Variants in CFAP20DC observed in about 807,000 individuals in gnomAD.
CFAP20DC encodes the protein protein CFAP20DC.
CFAP20DC carries 84 observed loss-of-function variants against 101.7 expected under a neutral mutation model. The observed-to-expected ratio is 0.83, with a 90% CI of 0.69 to 0.99. The LOEUF is 0.99. Ranked by LOEUF, CFAP20DC falls within the 50% of genes least tolerant of loss-of-function variation. The probability of loss-of-function intolerance (pLI) is 0.00; values close to 1 mark genes in which losing one functional copy is unlikely to be tolerated. For missense variants in CFAP20DC, 1,007 were observed against 970.3 expected (o/e 1.04, Z -0.50); for synonymous variants, 359 against 351.2 (o/e 1.02, Z -0.25).
At chr3:58,870,889 C>T (rs1343658221) in intron 7 of CFAP20DC, among the ~76,000 whole-genome samples, 2 of 83,544 alleles carry the variant, frequency 2.4e-5, no homozygotes, top group East Asian at 3.0e-4. Flanking sequence ...AGCGAGACTC[C>T]GTCTCAAAAA....
At chr3:58,825,847 GC>G (rs1460974086) in intron 14 of CFAP20DC, among the ~76,000 whole-genome samples, 1 of 152,146 alleles carries the variant, frequency 6.6e-6, no homozygotes, top group Non-Finnish European at 1.5e-5. Flanking sequence ...GATTTATTTA[GC>G]AAGAGATGCC....
intron 6 of CFAP20DC, among the ~76,000 whole-genome samples, chr3:58,890,527 C>A (rs1368510244): frequency 1.2e-4 from 18 of 149,950 alleles, no homozygotes; most frequent in African/African-American, 4.2e-4. Flanking sequence ...CAGAGGCGCC[C>A]CTCACCTCCC....
intron 15 of CFAP20DC, 55 bp from the exon 16 acceptor site, chr3:58,753,918 G>C: frequency 8.1e-7 from 1 of 1,238,204 alleles, no homozygotes; most frequent in East Asian, 2.4e-5. Context: ...ATAGATTTTA[G>C]GTTTCCCATG....
At chr3:58,734,641 G>A in intron 3 of CFAP20DC, 1 of 450,764 alleles carries the variant, frequency 2.2e-6, no homozygotes, top group Non-Finnish European at 4.5e-6. Flanking sequence ...AAGCTCCCTG[G>A]GCAGGTGCCT....
intron 4 of CFAP20DC, among the ~76,000 whole-genome samples, chr3:58,999,302 TGGCCTTGAAAAATGCCGACTA>T (rs1423187340): frequency 6.6e-6 from 1 of 152,190 alleles, no homozygotes; most frequent in Non-Finnish European, 1.5e-5. Flanking sequence ...GGCAGCCAAA[TGGCCTTGAAAAATGCCGACTA>T]GAGATAGCAG....
intron 4 of CFAP20DC, among the ~76,000 whole-genome samples, chr3:58,988,189 C>A (rs1046272698): frequency 2.0e-5 from 3 of 151,934 alleles, no homozygotes; most frequent in Admixed American, 1.3e-4. Flanking sequence ...AGACTAAAAT[C>A]AAAAACATAT....
chr3:58,823,496 G>C (rs1363438737), intron 14 of CFAP20DC, among the ~76,000 whole-genome samples: 1 of 152,148 alleles, frequency 6.6e-6, no homozygotes, highest in Non-Finnish European at 1.5e-5. Context: ...ATTCTTGGTA[G>C]ATATGATCTT....
rs561454900 is a variant in CFAP20DC, at chr3:58,890,879, G to C, written c.551-6170C>G. Among the ~76,000 whole-genome samples the C allele has an allele frequency of 4.0e-3, 594 of 148,888 alleles. 4 individuals carry two copies. Among genetic ancestry groups the C allele is most frequent in the African/African-American group, 0.014 (556 of 39,384 alleles). On this transcript the variant is annotated intron_variant, in intron 6 of 16. Coordinates refer to ENST00000482387, the MANE Select transcript of CFAP20DC (RefSeq NM_001394063.1). ...TCCTAGATGTGATGGTGGCTGGGAA[G>C]AGGCGCTCCTCACTTCCTAGATGGG...
At chr3:59,023,899 T>C (rs1253903366) in intron 4 of CFAP20DC, among the ~76,000 whole-genome samples, 3 of 152,056 alleles carry the variant, frequency 2.0e-5, no homozygotes, top group Admixed American at 2.0e-4. Flanking sequence ...GAGGGAGCAA[T>C]GGCATCCTCT....
intron 4 of CFAP20DC, among the ~76,000 whole-genome samples, chr3:59,008,530 T>C (rs2093495211): frequency 6.6e-6 from 1 of 152,066 alleles, no homozygotes; most frequent in Non-Finnish European, 1.5e-5. Flanking sequence ...TATGCAGCCA[T>C]AAAAAATGAA....
intron 15 of CFAP20DC, among the ~76,000 whole-genome samples, chr3:58,764,695 T>A (rs574238369): frequency 9.9e-4 from 151 of 152,232 alleles, no homozygotes; most frequent in African/African-American, 3.4e-3. Context: ...TGCCATGGAC[T>A]GACTCTATCT....
intron 15 of CFAP20DC, among the ~76,000 whole-genome samples, chr3:58,785,681 C>T (rs1280977542): frequency 6.6e-6 from 1 of 152,116 alleles, no homozygotes; most frequent in Non-Finnish European, 1.5e-5. Flanking sequence ...TAACTGCCTC[C>T]CTCCCATAAC....
chr3:58,827,475 T>G (rs2076121168), intron 14 of CFAP20DC, among the ~76,000 whole-genome samples: 1 of 151,814 alleles, frequency 6.6e-6, no homozygotes, highest in African/African-American at 2.4e-5. Context: ...CTACGCAAGC[T>G]GACAGAGAAA....
chr3:58,979,915 C>G (rs140921623), intron 4 of CFAP20DC, among the ~76,000 whole-genome samples: 1 of 151,450 alleles, frequency 6.6e-6, no homozygotes, highest in African/African-American at 2.4e-5. Context: ...AAATAGGTTT[C>G]GTCTTAAGTT....
At chr3:58,896,104 T>G (rs1316812275) in intron 6 of CFAP20DC, among the ~76,000 whole-genome samples, 1 of 152,192 alleles carries the variant, frequency 6.6e-6, no homozygotes, top group East Asian at 1.9e-4. Context: ...ACTCAATTTC[T>G]TCCTGGTTCA....
At chr3:58,890,602 C>G (rs1333266744) in intron 6 of CFAP20DC, among the ~76,000 whole-genome samples, 6 of 151,456 alleles carry the variant, frequency 4.0e-5, no homozygotes, top group Non-Finnish European at 8.8e-5. Context: ...GGGTGGCTGC[C>G]GGGCGGAGAC....
At chr3:58,797,342 A>G (rs1280692238) in intron 15 of CFAP20DC, among the ~76,000 whole-genome samples, 1 of 152,204 alleles carries the variant, frequency 6.6e-6, no homozygotes, top group Non-Finnish European at 1.5e-5. Flanking sequence ...GGTGATATGG[A>G]GAAAGTTTGA....
At position 58,784,258 on chromosome 3, in the gene CFAP20DC, T is replaced by C. The variant is rs145567284; in HGVS notation, c.2237+22137A>G. Among the ~76,000 whole-genome samples the C allele has an allele frequency of 3.0e-3, 456 of 152,192 alleles. 2 individuals carry two copies. Among genetic ancestry groups the C allele is most frequent in the African/African-American group, 9.9e-3 (411 of 41,554 alleles). ...CCATGTTGCTAAAAAGGACATGATT[T>C]CATTCTTTTTTATGGCTGCACAGTA... On this transcript the variant is annotated intron_variant, in intron 15 of 16. Transcript: ENST00000482387.
intron 13 of CFAP20DC, among the ~76,000 whole-genome samples, chr3:58,846,027 G>C (rs1310943822): frequency 4.3e-4 from 64 of 150,406 alleles, no homozygotes; most frequent in Non-Finnish European, 8.3e-4. Flanking sequence ...AATAATAAGA[G>C]CTATCTATGA....
Sources: gnomAD v4.1 joint callset for allele counts (sites outside exome capture counted in the v4.1 genomes callset) on GRCh38, gnomAD v4.1.1 for gene constraint, MANE v1.5 for transcripts, NCBI Gene and HGNC (gene_info 2026-07-23, HGNC 2026-07-21) for gene names.